The following RGL1 variants were observed in gnomAD, a reference collection of about 807,000 sequenced individuals.
The protein encoded by RGL1 is ral guanine nucleotide dissociation stimulator-like 1.
RGL1 carries 24 observed loss-of-function variants against 95.2 expected under a neutral mutation model. The observed-to-expected ratio is 0.25, with a 90% CI of 0.18 to 0.35. RGL1 has a LOEUF of 0.35. RGL1 is among the 10% of genes least tolerant of loss of function. The pLI is 1.00. For synonymous variants in RGL1, 329 were observed against 344.9 expected, an observed-to-expected ratio of 0.95 and a Z score of 0.51; for missense variants, 715 against 936.3, an observed-to-expected ratio of 0.76 and a Z score of 3.08.
intron 1 of RGL1, among the ~76,000 whole-genome samples, chr1:183,653,659 C>T (rs571135829): frequency 2.6e-4 from 39 of 152,304 alleles, no homozygotes; most frequent in African/African-American, 9.1e-4. Flanking sequence ...TGACTTCCTC[C>T]AAGAGGCCCA....
chr1:183,854,638 G>A (rs115344475), intron 3 of RGL1, among the ~76,000 whole-genome samples: 2,405 of 152,216 alleles, frequency 0.016, 35 homozygotes, highest in Middle Eastern at 0.061. Flanking sequence ...TACATTATGG[G>A]AAAAGCAATT....
intron 1 of RGL1, among the ~76,000 whole-genome samples, chr1:183,666,341 A>G (rs918359354): frequency 1.3e-5 from 2 of 151,420 alleles, no homozygotes; most frequent in Non-Finnish European, 2.9e-5. Flanking sequence ...TGCATTTTAT[A>G]TATATTTCCA....
At chr1:183,790,489 C>T (rs530072210) in intron 2 of RGL1, among the ~76,000 whole-genome samples, 1 of 152,266 alleles carries the variant, frequency 6.6e-6, no homozygotes, top group East Asian at 1.9e-4. Flanking sequence ...CCATGCCTTA[C>T]CCTCAAGCCT....
At chr1:183,643,682 C>T (rs1370488575) in intron 1 of RGL1, among the ~76,000 whole-genome samples, 1 of 151,710 alleles carries the variant, frequency 6.6e-6, no homozygotes, top group Non-Finnish European at 1.5e-5. Context: ...AACTCCTGGG[C>T]TAAAACGATA....
intron 7 of RGL1, 82 bp from the exon 8 acceptor site, chr1:183,888,392 A>G: frequency 1.2e-6 from 1 of 819,922 alleles, no homozygotes; most frequent in South Asian, 1.5e-5. Context: ...AGCAGCTGTG[A>G]TACCTCTAAA....
chr1:183,752,383 C>T lies in RGL1; in HGVS notation c.132+10094C>T, dbSNP rs193274968. On this transcript the variant is annotated intron_variant, in intron 2 of 18. Coordinates refer to the RGL1 transcript ENST00000304685. ...CTGGGACTACAGGTGCACGCCACCA[C>T]GCCCAGCTAATTTTTGTATTTTTAG... 2.2e-4 allele frequency among the ~76,000 whole-genome samples: 33 copies of T among 152,118 alleles called. No individual in the cohort carries two copies. In the East Asian group the frequency reaches 3.1e-3, roughly 14 times the overall value.
chr1:183,672,026 A>C (rs1360557320), intron 1 of RGL1, among the ~76,000 whole-genome samples: 1 of 149,656 alleles, frequency 6.7e-6, no homozygotes, highest in African/African-American at 2.5e-5. Flanking sequence ...TCTGCCTCCC[A>C]GGTTCAAGCG....
intron 2 of RGL1, among the ~76,000 whole-genome samples, chr1:183,750,378 T>C (rs1657915590): frequency 6.6e-6 from 1 of 152,264 alleles, no homozygotes; most frequent in Non-Finnish European, 1.5e-5. Flanking sequence ...GTATGCTTCA[T>C]GAAATTCTTG....
intron 1 of RGL1, among the ~76,000 whole-genome samples, chr1:183,659,169 T>C (rs6701363): frequency 0.082 from 12,403 of 152,022 alleles, 991 homozygotes; most frequent in African/African-American, 0.21. Flanking sequence ...TCCAAAGGAA[T>C]ACAGCTCCTC....
At chr1:183,911,589 G>T (rs1424841387) in intron 14 of RGL1, among the ~76,000 whole-genome samples, 2 of 152,130 alleles carry the variant, frequency 1.3e-5, no homozygotes, top group Non-Finnish European at 2.9e-5. Context: ...TTCCTATCTT[G>T]CAAGCTCAAC....
Position 183,701,345 on chromosome 1 carries a change from G to A in RGL1, c.-32-40781G>A, listed in dbSNP as rs529746987. On this transcript the variant is annotated intron_variant, in intron 1 of 18. Transcript: ENST00000304685. ...TGGAACTGACCTTGGAGATTGCCTGGTTATTAGTCTAAACCCTCATTTTCA... is the reference window on the plus strand; with the variant it reads ...TGGAACTGACCTTGGAGATTGCCTGATTATTAGTCTAAACCCTCATTTTCA... Among the ~76,000 whole-genome samples, 3 of 152,296 alleles carry A rather than the reference G, an allele frequency of 2.0e-5. No homozygotes were observed. The South Asian group carries it at 6.2e-4, about 32-fold the overall frequency.
At chr1:183,642,861 A>G (rs1430528643) in intron 1 of RGL1, among the ~76,000 whole-genome samples, 1 of 152,242 alleles carries the variant, frequency 6.6e-6, no homozygotes, top group Non-Finnish European at 1.5e-5. Context: ...AGTACTAAGC[A>G]CATTGTTGTA....
intron 3 of RGL1, among the ~76,000 whole-genome samples, chr1:183,860,991 A>G (rs1665480681): frequency 6.6e-6 from 1 of 152,172 alleles, no homozygotes; most frequent in Admixed American, 6.5e-5. Context: ...GCTGACTGTC[A>G]TGGCTGAAAT....
At chr1:183,773,791 G>A (rs1348026599) in intron 2 of RGL1, among the ~76,000 whole-genome samples, 1 of 152,122 alleles carries the variant, frequency 6.6e-6, no homozygotes, top group Non-Finnish European at 1.5e-5. Flanking sequence ...TGGATACAAT[G>A]CAAGAACAAA....
chr1:183,854,863 A>C (rs898535317), intron 3 of RGL1, among the ~76,000 whole-genome samples: 2 of 152,188 alleles, frequency 1.3e-5, no homozygotes, highest in African/African-American at 4.8e-5. Context: ...AGTTATTATA[A>C]AGTTTGAACA....
At chr1:183,679,270 G>T (rs1309174483) in intron 1 of RGL1, among the ~76,000 whole-genome samples, 1 of 151,906 alleles carries the variant, frequency 6.6e-6, no homozygotes, top group Admixed American at 6.6e-5. Flanking sequence ...TAAGTTCCGG[G>T]ATACATGTGC....
At chr1:183,898,135 A>G (rs913315105) in intron 10 of RGL1, among the ~76,000 whole-genome samples, 6 of 152,150 alleles carry the variant, frequency 3.9e-5, no homozygotes, top group Non-Finnish European at 8.8e-5. Context: ...TTTCTGGCAA[A>G]GTTGTTTTCT....
At chr1:183,718,418 T>A (rs1271935648) in intron 1 of RGL1, among the ~76,000 whole-genome samples, 1 of 152,240 alleles carries the variant, frequency 6.6e-6, no homozygotes, top group Admixed American at 6.5e-5. Flanking sequence ...CATTTGCAAA[T>A]ATTTAAACTT....
intron 1 of RGL1, among the ~76,000 whole-genome samples, chr1:183,714,533 T>C (rs979862507): frequency 3.3e-5 from 5 of 152,182 alleles, no homozygotes; most frequent in African/African-American, 4.8e-5. Flanking sequence ...AATTTTAGAA[T>C]CAATGATAAT....
Sources: allele counts gnomAD v4.1 joint callset (sites outside exome capture counted in the v4.1 genomes callset), GRCh38; gene constraint gnomAD v4.1.1; transcripts MANE v1.5; gene names NCBI Gene and HGNC (gene_info 2026-07-23, HGNC 2026-07-21).